PRUNE2: variants seen among roughly 807,000 people sequenced by gnomAD.
PRUNE2 encodes the protein protein prune homolog 2.
PRUNE2 carries 164 observed loss-of-function variants against 252.0 expected under a neutral mutation model. The ratio of observed to expected loss-of-function variants is 0.65; its 90% CI spans 0.57 to 0.74. The LOEUF is 0.74. Among genes scored for constraint, PRUNE2 ranks in the 30% least tolerant of loss-of-function variants. PRUNE2 has a pLI of 0.00. For synonymous variants in PRUNE2, 1,292 were observed against 1,350.2 expected, an observed-to-expected ratio of 0.96 and a Z score of 0.94; for missense variants, 3,495 against 3,711.0, an observed-to-expected ratio of 0.94 and a Z score of 1.51.
intron 1 of PRUNE2, among the ~76,000 whole-genome samples, chr9:76,898,733 A>C (rs1416043190): frequency 6.6e-6 from 1 of 152,226 alleles, no homozygotes; most frequent in Non-Finnish European, 1.5e-5. Flanking sequence ...AAAATGAAGC[A>C]CCAACATAGC....
At chr9:76,767,936 G>A (rs1327955098) in intron 6 of PRUNE2, among the ~76,000 whole-genome samples, 1 of 152,180 alleles carries the variant, frequency 6.6e-6, no homozygotes, top group Non-Finnish European at 1.5e-5. Context: ...AAAGAGCAAG[G>A]ACTGGAAGTA....
Position 76,850,635 on chromosome 9 carries a change from C to T in PRUNE2, c.172G>A (p.Val58Met), listed in dbSNP as rs768796349. Residue 58 changes from valine to methionine, a missense_variant, in exon 3 of 19, where the codon GTG becomes ATG. Physicochemically the swap from Val to Met is conservative, Grantham distance 21. Transcript: ENST00000376718. ...AATTCAGTTCTTGGTATGTTCAGCA[C>T]TGGTAAACACAGAACCCCTGGTGGA... ...VSPPGVLCLP[V>M]LNIPRTEFNY... 19 of 1,614,020 alleles carry T rather than the reference C, an allele frequency of 1.2e-5. No homozygotes were observed. In the East Asian group the frequency reaches 4.2e-4, roughly 36 times the overall value.
intron 9 of PRUNE2, among the ~76,000 whole-genome samples, chr9:76,671,153 G>T (rs1015476304): frequency 6.7e-5 from 10 of 149,590 alleles, no homozygotes; most frequent in African/African-American, 2.5e-4. Flanking sequence ...TGAAAACTTT[G>T]AAAAAAATTT....
chr9:76,787,292 T>A (rs1322945678), intron 6 of PRUNE2: 1 of 147,804 alleles, frequency 6.8e-6, no homozygotes, highest in Non-Finnish European at 1.5e-5. Context: ...CTTTTACTAC[T>A]ATATTACGTT....
At chr9:76,884,308 C>T (rs2061964159) in intron 1 of PRUNE2, among the ~76,000 whole-genome samples, 1 of 152,150 alleles carries the variant, frequency 6.6e-6, no homozygotes, top group African/African-American at 2.4e-5. Context: ...AATATCCCTT[C>T]TGGGTAAATT....
intron 6 of PRUNE2, among the ~76,000 whole-genome samples, chr9:76,716,646 T>C (rs539392316): frequency 6.6e-6 from 1 of 152,224 alleles, no homozygotes; most frequent in Non-Finnish European, 1.5e-5. Context: ...TATTTTTTTT[T>C]CAGAATGGTA....
Position 76,707,133 on chromosome 9 carries a change from G to A in PRUNE2, c.5141C>T (p.Ser1714Phe), listed in dbSNP as rs1259198884. 6.2e-7 allele frequency: 1 copy of A among 1,613,916 alleles called. No homozygotes were observed. Among genetic ancestry groups the A allele is most frequent in the Admixed American group, 1.7e-5 (1 of 60,014 alleles). Residue 1714 changes from serine (S) to phenylalanine (F), a missense_variant, in exon 8 of 19, where the codon TCC (serine) becomes TTC (phenylalanine). Transcript: ENST00000376718. ...TTCATTCAATGAATCCCAAGCTCTGGATTCATCCTCAGCAACGTGGCAGTT... is the reference window on the plus strand; with the variant it reads ...TTCATTCAATGAATCCCAAGCTCTGAATTCATCCTCAGCAACGTGGCAGTT... ...VANCHVAEDE[S>F]RAWDSLNESN...
At chr9:76,624,964 G>T in intron 16 of PRUNE2, 1 of 1,156,232 alleles carries the variant, frequency 8.6e-7, no homozygotes, top group Non-Finnish European at 1.2e-6. Context: ...TCACCCACAA[G>T]TAAAACACTG....
chr9:76,902,162 T>C (rs2063217631), intron 1 of PRUNE2, among the ~76,000 whole-genome samples: 1 of 152,198 alleles, frequency 6.6e-6, no homozygotes. Flanking sequence ...ACTTCATTTT[T>C]TCCCCCCAAA....
At position 76,706,599 on chromosome 9, in the gene PRUNE2, T is replaced by A. The variant is rs2046331519; in HGVS notation, c.5675A>T (p.Gln1892Leu). 2 of 1,613,866 alleles carry A rather than the reference T, an allele frequency of 1.2e-6. No individual in the cohort carries two copies. The highest frequency in any genetic ancestry group is 1.7e-6 in the Non-Finnish European group (2 of 1,179,880). The part of the protein sequence containing the change: ...HYTNPFSDNH[Q>L]SPFLEGNGKN... ...CCCATTACCTTCCAGAAAGGGTGAC[T>A]GATGGTTGTCACTAAAAGGATTAGT... The change falls in exon 8 of 19, where the codon CAG becomes CTG. Residue 1892 changes from glutamine to leucine, a missense_variant. Gln to Leu is a moderately radical substitution (Grantham distance 113, BLOSUM62 -2). Coordinates refer to ENST00000376718, the MANE Select transcript of PRUNE2 (RefSeq NM_015225.3).
At chr9:76,846,374 C>T in intron 4 of PRUNE2, 141 bp downstream of exon 4, 1 of 609,240 alleles carries the variant, frequency 1.6e-6, no homozygotes, top group Non-Finnish European at 2.7e-6. Flanking sequence ...AAACTCTTTA[C>T]TCCCTGCCTC....
At chr9:76,865,852 A>G (rs2060812316) in intron 1 of PRUNE2, among the ~76,000 whole-genome samples, 1 of 135,496 alleles carries the variant, frequency 7.4e-6, no homozygotes, top group South Asian at 2.4e-4. Context: ...CACACACCAG[A>G]GCATTATGAC....
chr9:76,844,899 C>T (rs562111364), intron 4 of PRUNE2, among the ~76,000 whole-genome samples: 4 of 151,138 alleles, frequency 2.6e-5, no homozygotes, highest in South Asian at 2.1e-4. Flanking sequence ...TGCAGTAGCT[C>T]GCACCTTTAA....
intron 4 of PRUNE2, among the ~76,000 whole-genome samples, chr9:76,834,197 A>T (rs901283853): frequency 3.9e-5 from 6 of 152,136 alleles, no homozygotes; most frequent in Non-Finnish European, 5.9e-5. Context: ...GATGCCTATT[A>T]TTCTTATTCT....
At chr9:76,776,893 T>TACAC (rs541232508) in intron 6 of PRUNE2, among the ~76,000 whole-genome samples, 10,845 of 115,278 alleles carry the variant, frequency 0.094, 669 homozygotes, top group Non-Finnish European at 0.12. Context: ...CCAAAACACA[T>TACAC]ACACACACAC....
At chr9:76,646,587 A>C (rs1844956142) in intron 11 of PRUNE2, among the ~76,000 whole-genome samples, 1 of 151,200 alleles carries the variant, frequency 6.6e-6, no homozygotes, top group Non-Finnish European at 1.5e-5. Flanking sequence ...ATCTCTTTGG[A>C]ATCCCTTCCT....
At chr9:76,856,259 T>C (rs1448138517) in intron 1 of PRUNE2, among the ~76,000 whole-genome samples, 2 of 152,156 alleles carry the variant, frequency 1.3e-5, no homozygotes, top group African/African-American at 4.8e-5. Flanking sequence ...TTCTCAACAC[T>C]ATGAGGATCT....
At chr9:76,751,283 C>G (rs1166945567) in intron 6 of PRUNE2, among the ~76,000 whole-genome samples, 1 of 151,902 alleles carries the variant, frequency 6.6e-6, no homozygotes, top group Admixed American at 6.6e-5. Context: ...GACACACACA[C>G]ACACACAGAA....
intron 6 of PRUNE2, chr9:76,738,768 T>A (rs2049305155): frequency 6.6e-6 from 1 of 152,226 alleles, no homozygotes; most frequent in South Asian, 2.1e-4. Flanking sequence ...TTCATCATCT[T>A]CCTTCTTCTT....
Sources: gnomAD v4.1 joint callset for allele counts (sites outside exome capture counted in the v4.1 genomes callset) on GRCh38, gnomAD v4.1.1 for gene constraint, MANE v1.5 for transcripts, NCBI Gene and HGNC (gene_info 2026-07-23, HGNC 2026-07-21) for gene names.